CMIP: variants seen among roughly 807,000 people sequenced by gnomAD.
The protein encoded by CMIP is c-Maf inducing protein, also known as C-Maf-inducing protein.
CMIP carries 13 observed loss-of-function variants against 97.3 expected under a neutral mutation model. The observed-to-expected ratio is 0.13, with a 90% CI of 0.09 to 0.21. The LOEUF (loss-of-function observed/expected upper bound fraction) is 0.21. CMIP is among the 10% of genes least tolerant of loss of function. The pLI is 1.00. For synonymous variants in CMIP, 538 were observed against 436.3 expected (o/e 1.23, Z -2.91); for missense variants, 847 against 1,024.9 (o/e 0.83, Z 2.37).
At chr16:81,699,835 C>A in intron 15 of CMIP, 34 bp downstream of exon 15, 2 of 1,450,440 alleles carry the variant, frequency 1.4e-6, no homozygotes, top group Non-Finnish European at 1.9e-6. Context: ...GGTGGGGTGG[C>A]TGGCTCCCCG....
chr16:81,499,140 T>A (rs1032115346), intron 1 of CMIP, among the ~76,000 whole-genome samples: 1 of 152,162 alleles, frequency 6.6e-6, no homozygotes, highest in African/African-American at 2.4e-5. Context: ...CTCTTGGCCC[T>A]GACACGATGC....
chr16:81,487,167 C>CG (rs35757295), intron 1 of CMIP, among the ~76,000 whole-genome samples: 152 of 144,824 alleles, frequency 1.0e-3, no homozygotes, highest in Non-Finnish European at 1.1e-3. Context: ...TCTAGTGAAC[C>CG]GGGGGGGGTG....
intron 1 of CMIP, chr16:81,520,134 C>T (rs567391709): frequency 6.6e-6 from 1 of 152,376 alleles, no homozygotes; most frequent in South Asian, 2.1e-4. Flanking sequence ...ATTTGCATTT[C>T]AGCTGCCCAG....
At chr16:81,490,865 A>G (rs985524090) in intron 1 of CMIP, among the ~76,000 whole-genome samples, 28 of 152,116 alleles carry the variant, frequency 1.8e-4, no homozygotes, top group African/African-American at 6.8e-4. Context: ...AGCACTTGAG[A>G]TGGGGCAGGC....
At position 81,705,542 on chromosome 16, in the gene CMIP, T is replaced by C. The variant is rs2151106377; in HGVS notation, c.2135T>C (p.Met712Thr). The change falls in exon 19 of 21, where the codon ATG becomes ACG. Residue 712 changes from methionine (M) to threonine (T), a missense_variant. Around this residue, in one of 4 missense-constraint regions of CMIP, gnomAD observed 266 missense variants for 384.2 expected, o/e 0.69. Transcript: ENST00000537098. ...CGGCTCCTGTCGGAACACCTCACCA[T>C]GCTCCAGGTGCTGAACCTGTGCGAG... ...GLRLLSEHLT[M>T]LQVLNLCETP... is the part of the protein sequence containing the mutation. 4 of 1,609,570 alleles carry C rather than the reference T, an allele frequency of 2.5e-6. No homozygotes were observed. The highest frequency in any genetic ancestry group is 3.4e-6 in the Non-Finnish European group (4 of 1,178,582).
At chr16:81,474,217 C>T (rs990193885) in intron 1 of CMIP, among the ~76,000 whole-genome samples, 1 of 152,134 alleles carries the variant, frequency 6.6e-6, no homozygotes, top group Admixed American at 6.5e-5. Flanking sequence ...ACCCCCCGGG[C>T]TTGGAGAGGG....
intron 1 of CMIP, among the ~76,000 whole-genome samples, chr16:81,479,620 G>T (rs1299421378): frequency 1.3e-5 from 2 of 152,008 alleles, no homozygotes; most frequent in African/African-American, 4.8e-5. Flanking sequence ...TCGTGTCTGG[G>T]TTATGATTAT....
chr16:81,451,291 G>A (rs1035210458), intron 1 of CMIP, among the ~76,000 whole-genome samples: 1 of 152,080 alleles, frequency 6.6e-6, no homozygotes, highest in African/African-American at 2.4e-5. Context: ...AACCCGTTTC[G>A]CCTAGCTCTT....
At chr16:81,516,208 A>G (rs993895188) in intron 1 of CMIP, among the ~76,000 whole-genome samples, 1 of 152,130 alleles carries the variant, frequency 6.6e-6, no homozygotes, top group Admixed American at 6.5e-5. Flanking sequence ...TGAAGGTGAC[A>G]TGGCCCCAGC....
chr16:81,454,200 T>C (rs2150731827), intron 1 of CMIP, among the ~76,000 whole-genome samples: 1 of 152,338 alleles, frequency 6.6e-6, no homozygotes, highest in East Asian at 1.9e-4. Flanking sequence ...GTTGCAACGA[T>C]ATTTATCGTA....
At chr16:81,664,785 A>T in intron 7 of CMIP, 5 of 323,902 alleles carry the variant, frequency 1.5e-5, no homozygotes, top group East Asian at 4.8e-5. Context: ...AGCCTCAGCC[A>T]GGTGATCAAG....
At chr16:81,593,377 GT>G (rs1444920373) in intron 1 of CMIP, among the ~76,000 whole-genome samples, 1 of 152,076 alleles carries the variant, frequency 6.6e-6, no homozygotes, top group Non-Finnish European at 1.5e-5. Context: ...AGCCTGGGGG[GT>G]TGGAGGGCGG....
At chr16:81,550,551 C>G (rs993125168) in intron 1 of CMIP, among the ~76,000 whole-genome samples, 16 of 152,186 alleles carry the variant, frequency 1.1e-4, no homozygotes, top group South Asian at 2.1e-4. Context: ...CAAAGAATGT[C>G]TATGTGGCTT....
At chr16:81,657,520 C>T (rs1392598161) in intron 4 of CMIP, among the ~76,000 whole-genome samples, 5 of 152,292 alleles carry the variant, frequency 3.3e-5, no homozygotes, top group Admixed American at 6.5e-5. Flanking sequence ...ACTCGACTCA[C>T]TCAAGGTCAC....
chr16:81,535,331 C>T (rs2090320728), intron 1 of CMIP, among the ~76,000 whole-genome samples: 1 of 152,148 alleles, frequency 6.6e-6, no homozygotes, highest in Non-Finnish European at 1.5e-5. Context: ...TGCCCAAGGT[C>T]ACACAGCCAA....
intron 10 of CMIP, among the ~76,000 whole-genome samples, chr16:81,682,683 C>T (rs1904991045): frequency 6.6e-6 from 1 of 152,232 alleles, no homozygotes; most frequent in Non-Finnish European, 1.5e-5. Context: ...GAGGGCAGTG[C>T]AGGTCGCAGG....
At chr16:81,532,781 G>A (rs2090264685) in intron 1 of CMIP, among the ~76,000 whole-genome samples, 1 of 152,168 alleles carries the variant, frequency 6.6e-6, no homozygotes, top group African/African-American at 2.4e-5. Context: ...ACTCCAGTGT[G>A]CCATGCTTGG....
At chr16:81,696,397 G>A in intron 13 of CMIP, 163 bp from the exon 14 acceptor site, 2 of 692,164 alleles carry the variant, frequency 2.9e-6, no homozygotes, top group East Asian at 2.7e-5. Context: ...GACCTTTCAT[G>A]GCATTTGGTG....
At chr16:81,491,850 G>A (rs956740281) in intron 1 of CMIP, among the ~76,000 whole-genome samples, 1 of 152,218 alleles carries the variant, frequency 6.6e-6, no homozygotes, top group African/African-American at 2.4e-5. Flanking sequence ...TACAGGCACA[G>A]TGAACATGCT....
Sources: gnomAD v4.1 joint callset for allele counts (sites outside exome capture counted in the v4.1 genomes callset) on GRCh38, gnomAD v4.1.1 for gene constraint, gnomAD v4.1.1 regional missense constraint, MANE v1.5 for transcripts, NCBI Gene and HGNC (gene_info 2026-07-23, HGNC 2026-07-21) for gene names.